The following SLC4A3 variants were observed in gnomAD, a reference collection of about 807,000 sequenced individuals.
The protein encoded by SLC4A3 is anion exchange protein 3.
Under a neutral mutation model 114.2 loss-of-function variants are expected in SLC4A3, and 47 were observed. The ratio of observed to expected loss-of-function variants is 0.41; its 90% CI spans 0.33 to 0.52. The LOEUF is 0.52. Among genes scored for constraint, SLC4A3 ranks in the 20% least tolerant of loss-of-function variants. SLC4A3 has a pLI of 0.21. For synonymous variants in SLC4A3, 693 were observed against 710.3 expected, an observed-to-expected ratio of 0.98 and a Z score of 0.39; for missense variants, 1,312 against 1,668.3, an observed-to-expected ratio of 0.79 and a Z score of 3.72.
Position 219,631,344 on chromosome 2 carries a change from C to G in SLC4A3, c.812-624C>G, listed in dbSNP as rs748221364. The G allele has an allele frequency of 7.7e-7, 1 of 1,304,088 alleles. No homozygotes were observed. Among genetic ancestry groups the G allele is most frequent in the African/African-American group, 1.5e-5 (1 of 65,846 alleles). The allele number at this position is 1,304,088 out of a possible 1,614,324, so 80.8% of individuals were successfully genotyped here. ...TGGGAGGGATCCAGCCCCCAGTCCT[C>G]GAGACTCACTGGCCCCGGAAGACTT... On this transcript the variant is annotated intron_variant, in intron 6 of 22. Coordinates refer to ENST00000358055, the MANE Select transcript of SLC4A3 (RefSeq NM_005070.4). The surrounding 1 kb of genome is among the most constrained non-coding windows in gnomAD (Gnocchi z 6.3).
chr2:219,628,913 C>T lies in SLC4A3; in HGVS notation c.218-231C>T, dbSNP rs75648911. 0.02 allele frequency: 11,744 copies of T among 599,004 alleles called. 159 individuals carry two copies. Among genetic ancestry groups the T allele is most frequent in the Non-Finnish European group, 0.024 (8,229 of 347,430 alleles). 37.1% of individuals were successfully genotyped at this position (599,004 alleles called of 1,614,324 possible). On this transcript the variant is annotated intron_variant, in intron 3 of 22. Coordinates refer to ENST00000358055, the MANE Select transcript of SLC4A3 (RefSeq NM_005070.4). The surrounding 1 kb of genome is among the most constrained non-coding windows in gnomAD (Gnocchi z 4.8). Reference sequence around the variant, plus strand: ...CTTTCCCCTCCTTGCTGTATCACGTCTCCCCTCCCAGCCCCCTTCATGACC... The same window carrying T: ...CTTTCCCCTCCTTGCTGTATCACGTTTCCCCTCCCAGCCCCCTTCATGACC...
chr2:219,628,713 C>T lies in SLC4A3; in HGVS notation c.217+143C>T, dbSNP rs551883206. 1,315 of 870,266 alleles carry T rather than the reference C, an allele frequency of 1.5e-3. 23 individuals are homozygous for T. The South Asian group carries it at 0.019, about 13-fold the overall frequency. The allele number at this position is 870,266 out of a possible 1,614,324, so 53.9% of individuals were successfully genotyped here. The stretch of plus-strand genomic sequence containing the variant: ...CTGGACTCTGTGCTGGGCCACATGC[C>T]GTGTTCAGTCATCCTGCCTCCCCCA... On this transcript the variant is annotated intron_variant, in intron 3 of 22. Transcript: ENST00000358055. This position sits in a 1 kb window ranked among gnomAD's most constrained non-coding sequence, Gnocchi z 4.8.
In SLC4A3 at chr2:219,638,160, C is replaced by G; in HGVS notation, c.2767-4C>G. On this transcript the variant is annotated splice_region_variant and splice_polypyrimidine_tract_variant and intron_variant, in intron 17 of 22. Coordinates refer to ENST00000358055, the MANE Select transcript of SLC4A3 (RefSeq NM_005070.4). The surrounding 1 kb of genome is among the most constrained non-coding windows in gnomAD (Gnocchi z 7.5). ...GCTCCCTTCCCCAACTGGCCCCTCT[C>G]AAGGCTCGTCGCATCATCGGGGACT... 1 of 1,609,272 alleles carries G rather than the reference C, an allele frequency of 6.2e-7. No homozygotes were observed. The highest frequency in any genetic ancestry group is 8.5e-7 in the Non-Finnish European group (1 of 1,177,342).
intron 11 of SLC4A3, 96 bp from the exon 12 acceptor site, chr2:219,634,324 C>T (rs1699042902): frequency 2.4e-6 from 3 of 1,254,040 alleles, no homozygotes; most frequent in Non-Finnish European, 2.3e-6. Flanking sequence ...AGTTTACAAC[C>T]TGCTCAACTG....
Position 219,637,465 on chromosome 2 carries a change from A to G in SLC4A3, c.2536-116A>G, listed in dbSNP as rs1292808708. 1 of 624,512 alleles carries G rather than the reference A, an allele frequency of 1.6e-6. No homozygotes were observed. Among genetic ancestry groups the G allele is most frequent in the Non-Finnish European group, 2.9e-6 (1 of 344,522 alleles). The allele number at this position is 624,512 out of a possible 1,614,324, so 38.7% of individuals were successfully genotyped here. The stretch of plus-strand genomic sequence containing the variant: ...TGGTGCAGCTGGATGTCCGTGCATT[A>G]CTGTTGTCTGACCAGGTATTGAGGG... On this transcript the variant is annotated intron_variant, in intron 16 of 22. Transcript: ENST00000358055. The surrounding 1 kb of genome is among the most constrained non-coding windows in gnomAD (Gnocchi z 4.6).
chr2:219,631,355 G>A lies in SLC4A3; in HGVS notation c.812-613G>A, dbSNP rs1198028013. 1.5e-6 allele frequency: 2 copies of A among 1,304,170 alleles called. No individual in the cohort carries two copies. Among genetic ancestry groups the A allele is most frequent in the East Asian group, 1.1e-4 (2 of 18,046 alleles). The allele number at this position is 1,304,170 out of a possible 1,614,324, so 80.8% of individuals were successfully genotyped here. ...CAGCCCCCAGTCCTCGAGACTCACT[G>A]GCCCCGGAAGACTTAGAGATGTTTG... On this transcript the variant is annotated intron_variant, in intron 6 of 22. Coordinates refer to ENST00000358055, the MANE Select transcript of SLC4A3 (RefSeq NM_005070.4). The surrounding 1 kb of genome is among the most constrained non-coding windows in gnomAD (Gnocchi z 6.3).
In SLC4A3 at chr2:219,635,850, T is replaced by C. The variant is rs1574653666; in HGVS notation, c.2150T>C (p.Phe717Ser). Residue 717 changes from phenylalanine to serine, a missense_variant, in exon 14 of 23, where the codon TTC (phenylalanine) becomes TCC (serine). Phe to Ser is a radical substitution (Grantham distance 155, BLOSUM62 -2). This residue lies in a region of SLC4A3 where 771 missense variants were observed against 977.7 expected (regional missense o/e 0.79). Transcript: ENST00000358055. ...QCVAAVLFIY[F>S]AALSPAITFG... is the part of the protein sequence containing the mutation. ...GTGGCCGCTGTGCTCTTCATCTACT[T>C]CGCAGCCCTCAGCCCTGCCATCACC... is the stretch of plus-strand genomic sequence containing the variant. The C allele has an allele frequency of 6.4e-7, 1 of 1,567,170 alleles. No individual in the cohort carries two copies. Among genetic ancestry groups the C allele is most frequent in the Admixed American group, 1.9e-5 (1 of 52,420 alleles).
In SLC4A3 at chr2:219,630,405, CTGCGAG is replaced by C. The variant is rs1196691844; in HGVS notation, c.811+56_811+61del. 5.9e-6 allele frequency: 9 copies of C among 1,532,706 alleles called. No individual in the cohort carries two copies. Among genetic ancestry groups the C allele is most frequent in the African/African-American group, 1.4e-5 (1 of 73,394 alleles). 94.9% of individuals were successfully genotyped at this position (1,532,706 alleles called of 1,614,324 possible). On this transcript the variant is annotated intron_variant, in intron 6 of 22. Coordinates refer to ENST00000358055, the MANE Select transcript of SLC4A3 (RefSeq NM_005070.4). The surrounding 1 kb of genome is among the most constrained non-coding windows in gnomAD (Gnocchi z 6.9). ...TGGTCCACTGCGACGGACTCCCAGC[CTGCGAG>C]TGACCTTGGAGAGGCTCTGAGCTGT...
At chr2:219,634,229 C>T (rs1256492964) in intron 11 of SLC4A3, among the ~76,000 whole-genome samples, 191 bp from the exon 12 acceptor site, 1 of 152,248 alleles carries the variant, frequency 6.6e-6, no homozygotes, top group Non-Finnish European at 1.5e-5. Flanking sequence ...CTTTAATACC[C>T]TGAGTTTCCA....
In SLC4A3 at chr2:219,635,733, C is replaced by T. The variant is rs759168094; in HGVS notation, c.2033C>T (p.Thr678Met). ...CCTGAAGATGACCCCTTGCTGCGGA[C>T]GGGCTCGGTATTTGGGGGGCTTGTG... ...ATPEDDPLLRTGSVFGGLVRD... is the reference protein window; with the variant it reads ...ATPEDDPLLRMGSVFGGLVRD... The change falls in exon 14 of 23, where the codon ACG becomes ATG. Residue 678 changes from threonine to methionine, a missense_variant. Transcript: ENST00000358055. The T allele has an allele frequency of 1.3e-5, 20 of 1,595,814 alleles. No individual in the cohort carries two copies. The highest frequency in any genetic ancestry group is 1.1e-4 in the East Asian group (5 of 44,612).
In SLC4A3 at chr2:219,639,532, A is replaced by C. The variant is rs1699244885; in HGVS notation, c.3074A>C (p.His1025Pro). 1 of 1,613,808 alleles carries C rather than the reference A, an allele frequency of 6.2e-7. No homozygotes were observed. The highest frequency in any genetic ancestry group is 1.7e-5 in the Admixed American group (1 of 60,006). The change falls in exon 20 of 23, where the codon CAC becomes CCC. Residue 1025 changes from histidine to proline, a missense_variant. Physicochemically the swap from His to Pro is moderately conservative, Grantham distance 77. Around this residue, in one of 4 missense-constraint regions of SLC4A3, gnomAD observed 301 missense variants for 460.7 expected, o/e 0.65. Coordinates refer to ENST00000358055, the MANE Select transcript of SLC4A3 (RefSeq NM_005070.4). The surrounding 1 kb of genome is among the most constrained non-coding windows in gnomAD (Gnocchi z 5.9). ...ARRLLKGSGF[H>P]LDLLLIGSLG... ...AGGCTGCTCAAGGGCTCCGGTTTCC[A>C]CCTGGACCTGCTCCTCATTGGCTCC...
At chr2:219,640,674 G>A in intron 21 of SLC4A3, 75 bp downstream of exon 21, 1 of 1,573,290 alleles carries the variant, frequency 6.4e-7, no homozygotes, top group Non-Finnish European at 8.7e-7. Flanking sequence ...GAGCATTGAT[G>A]GATGGGATGA....
At position 219,638,302 on chromosome 2, in the gene SLC4A3, G is replaced by A. The variant is rs1281370459; in HGVS notation, c.2856+49G>A. 1.4e-6 allele frequency: 2 copies of A among 1,409,188 alleles called. No homozygotes were observed. Among genetic ancestry groups the A allele is most frequent in the African/African-American group, 2.8e-5 (2 of 70,664 alleles). 87.3% of individuals were successfully genotyped at this position (1,409,188 alleles called of 1,614,324 possible). A position where few individuals can be genotyped will look rare whatever the true frequency, so the allele number is the denominator to read the frequency against. ...AGCTGCTGTCACCCCCAGGCCAGGAGAGGGAGCCCACAACACACTTCCATG... is the reference window on the plus strand; with the variant it reads ...AGCTGCTGTCACCCCCAGGCCAGGAAAGGGAGCCCACAACACACTTCCATG... On this transcript the variant is annotated intron_variant, in intron 18 of 22. Coordinates refer to ENST00000358055, the MANE Select transcript of SLC4A3 (RefSeq NM_005070.4). The surrounding 1 kb of genome is among the most constrained non-coding windows in gnomAD (Gnocchi z 7.5).
Position 219,629,632 on chromosome 2 carries a change from C to T in SLC4A3, c.548C>T (p.Ala183Val), listed in dbSNP as rs1234300513. 2 of 1,613,096 alleles carry T rather than the reference C, an allele frequency of 1.2e-6. No homozygotes were observed. The highest frequency in any genetic ancestry group is 1.7e-6 in the Non-Finnish European group (2 of 1,179,766). Residue 183 changes from alanine (A) to valine (V), a missense_variant, in exon 5 of 23, where the codon GCT (alanine) becomes GTT (valine). Around this residue, in one of 4 missense-constraint regions of SLC4A3, gnomAD observed 771 missense variants for 977.7 expected, o/e 0.79. Transcript: ENST00000358055. ...AGTCCAGGCCTCCCTGGGAGGGCTG[C>T]TGTCACCAAGCCCCTGCCCTCGGTG... ...DDSPGLPGRAAVTKPLPSVGP... is the reference protein window; with the variant it reads ...DDSPGLPGRAVVTKPLPSVGP...
rs150077981 is a variant in SLC4A3, at chr2:219,640,946, A to G, written c.3605A>G (p.Asp1202Gly). The change falls in exon 22 of 23, where the codon GAC becomes GGC. Residue 1202 changes from aspartate (D) to glycine (G), a missense_variant. Physicochemically the swap from Asp to Gly is moderately conservative, Grantham distance 94 (BLOSUM62 -1). Transcript: ENST00000358055. Reference sequence around the variant, plus strand: ...TGCCTTCTGCCCCGGCTCTTCCAGGACAGGGAGCTGCAGGCGGTAAGGGGG... The same window carrying G: ...TGCCTTCTGCCCCGGCTCTTCCAGGGCAGGGAGCTGCAGGCGGTAAGGGGG... ...RHCLLPRLFQ[D>G]RELQALDSED... 6.2e-6 allele frequency: 10 copies of G among 1,606,808 alleles called. No homozygotes were observed. Among genetic ancestry groups the G allele is most frequent in the Non-Finnish European group, 8.5e-6 (10 of 1,179,964 alleles).
chr2:219,633,681 A>G (rs1347600743), intron 10 of SLC4A3, among the ~76,000 whole-genome samples, 199 bp from the exon 11 acceptor site: 1 of 152,160 alleles, frequency 6.6e-6, no homozygotes, highest in Non-Finnish European at 1.5e-5. Flanking sequence ...TAAACAAGAT[A>G]AGGCTGAGGT....
intron 7 of SLC4A3, 24 bp from the exon 8 acceptor site, chr2:219,632,238 C>T (rs772641939): frequency 1.2e-6 from 2 of 1,613,722 alleles, no homozygotes; most frequent in Non-Finnish European, 1.7e-6. Flanking sequence ...GCCCCTGGGC[C>T]CTCACCTTTG....
Position 219,637,888 on chromosome 2 carries a change from C to T in SLC4A3, c.2766+77C>T. On this transcript the variant is annotated intron_variant, in intron 17 of 22. Transcript: ENST00000358055. The surrounding 1 kb of genome is among the most constrained non-coding windows in gnomAD (Gnocchi z 4.6). ...AGGAGCTCCCCAGAGAGGCTGCACC[C>T]CTTCCCCGGTCAGCCCATGGACCAA... is the stretch of plus-strand genomic sequence containing the variant. The T allele has an allele frequency of 8.2e-7, 1 of 1,219,792 alleles. No homozygotes were observed. Among genetic ancestry groups the T allele is most frequent in the Non-Finnish European group, 1.2e-6 (1 of 832,546 alleles). 75.6% of individuals were successfully genotyped at this position (1,219,792 alleles called of 1,614,324 possible).
At chr2:219,633,071 C>CTCT (rs1049892361) in intron 9 of SLC4A3, 62 bp downstream of exon 9, 1 of 1,586,116 alleles carries the variant, frequency 6.3e-7, no homozygotes, top group African/African-American at 1.3e-5. Context: ...GGAGCACATC[C>CTCT]TCTTCCAAGT....
Sources: gnomAD v4.1 joint callset for allele counts (sites outside exome capture counted in the v4.1 genomes callset) on GRCh38, gnomAD v4.1.1 for gene constraint, gnomAD v4.1.1 regional missense constraint, Gnocchi (gnomAD v3.1) non-coding constraint, MANE v1.5 for transcripts, NCBI Gene and HGNC (gene_info 2026-07-23, HGNC 2026-07-21) for gene names.